The following NPC1 variants were observed in gnomAD, a reference collection of about 807,000 sequenced individuals.
The protein encoded by NPC1 is Niemann-Pick C1 protein.
In NPC1, 85 loss-of-function variants were observed where a neutral mutation model predicts 140.4. That is an observed-to-expected ratio of 0.61 (90% CI 0.51 to 0.72). The LOEUF is 0.72. Among genes scored for constraint, NPC1 ranks in the 30% least tolerant of loss-of-function variants. The probability of loss-of-function intolerance (pLI) is 0.00; values close to 1 mark genes in which losing one functional copy is unlikely to be tolerated. For synonymous variants in NPC1, 656 were observed against 624.8 expected (o/e 1.05, Z -0.74); for missense variants, 1,504 against 1,623.8 (o/e 0.93, Z 1.27).
At chr18:23,563,248 T>C (rs572749723) in intron 4 of NPC1, among the ~76,000 whole-genome samples, 1 of 152,380 alleles carries the variant, frequency 6.6e-6, no homozygotes, top group East Asian at 1.9e-4. Context: ...TGCAAGGACA[T>C]ATGTTTTGTT....
In NPC1 at chr18:23,541,301, C is replaced by G; in HGVS notation, c.2373+5G>C. On this transcript the variant is annotated splice_donor_5th_base_variant and intron_variant, in intron 15 of 24. Transcript: ENST00000269228. Reference sequence around the variant, plus strand: ...AAATAGACTATAATCCTGGCACCAACTTACCTCTTGACGTTTAATGTCTAA... The same window carrying G: ...AAATAGACTATAATCCTGGCACCAAGTTACCTCTTGACGTTTAATGTCTAA... 6.2e-7 allele frequency: 1 copy of G among 1,614,240 alleles called. No homozygotes were observed. The highest frequency in any genetic ancestry group is 8.5e-7 in the Non-Finnish European group (1 of 1,180,048).
intron 11 of NPC1, 120 bp downstream of exon 11, chr18:23,547,886 A>C (rs2058811225): frequency 2.5e-6 from 2 of 784,458 alleles, no homozygotes; most frequent in Admixed American, 1.7e-5. Flanking sequence ...CCAAGTGAAC[A>C]AAACTACGTA....
chr18:23,560,806 A>G (rs984210757), intron 5 of NPC1, among the ~76,000 whole-genome samples: 2 of 151,754 alleles, frequency 1.3e-5, no homozygotes, highest in African/African-American at 2.4e-5. Flanking sequence ...GCTGCCTCCC[A>G]CCCCCTTTTT....
rs1266698596 is a variant in NPC1 at position 23,560,465 on chromosome 18, C to G, written c.647G>C (p.Gly216Ala). The change falls in exon 6 of 25, where the codon GGG becomes GCG. Residue 216 changes from glycine (G) to alanine (A), a missense_variant. By Grantham distance (60) the Gly-to-Ala change is moderately conservative (BLOSUM62 0). Coordinates refer to ENST00000269228, the MANE Select transcript of NPC1 (RefSeq NM_000271.5). ...GGTGGCATTGTTCATGGGCTCCATC[C>G]CATGGACTGGAAAATCTACAGAAAG... The part of the protein sequence containing the change: ...TPVFSDFPVH[G>A]MEPMNNATKG... 1 of 1,614,038 alleles carries G rather than the reference C, an allele frequency of 6.2e-7. No individual in the cohort carries two copies. The highest frequency in any genetic ancestry group is 8.5e-7 in the Non-Finnish European group (1 of 1,180,020).
At chr18:23,526,052 T>A (rs2145259421), downstream of NPC1, among the ~76,000 whole-genome samples, 1 of 152,308 alleles carries the variant, frequency 6.6e-6, no homozygotes, top group South Asian at 2.1e-4. Context: ...TTGGGCCAAC[T>A]GAAAAGGGGG....
intron 10 of NPC1, among the ~76,000 whole-genome samples, chr18:23,549,763 C>CG (rs1404017859): frequency 3.0e-5 from 4 of 133,362 alleles, no homozygotes; most frequent in Non-Finnish European, 6.1e-5. Context: ...TTTTTTAAGA[C>CG]GGAGTCTTGC....
chr18:23,538,888 T>C, intron 19 of NPC1: 3 of 578,190 alleles, frequency 5.2e-6, no homozygotes, highest in Non-Finnish European at 9.2e-6. Flanking sequence ...TTAGGCATAC[T>C]ATGCATCATT....
chr18:23,557,470 A>G (rs1201736969), intron 6 of NPC1, among the ~76,000 whole-genome samples: 2 of 152,194 alleles, frequency 1.3e-5, no homozygotes, highest in Non-Finnish European at 2.9e-5. Flanking sequence ...AAAACACACT[A>G]CTGGGCTAGG....
intron 3 of NPC1, among the ~76,000 whole-genome samples, chr18:23,571,232 TAAAAAAA>T (rs10715014): frequency 2.0e-5 from 3 of 147,052 alleles, no homozygotes; most frequent in Admixed American, 2.0e-4. Context: ...AAACTGACTT[TAAAAAAA>T]AAAAAAAACT....
At chr18:23,569,704 C>A (rs2059175013) in intron 3 of NPC1, among the ~76,000 whole-genome samples, 1 of 152,136 alleles carries the variant, frequency 6.6e-6, no homozygotes, top group African/African-American at 2.4e-5. Context: ...TTCTTTCAAG[C>A]CCCGGAAAAT....
chr18:23,526,649 A>C, downstream of NPC1: 3 of 1,614,080 alleles, frequency 1.9e-6, no homozygotes, highest in Non-Finnish European at 2.5e-6. Flanking sequence ...TACCTCTGGA[A>C]CCTCCAAGTG....
chr18:23,577,763 G>C (rs868660939), intron 1 of NPC1, among the ~76,000 whole-genome samples: 1 of 152,248 alleles, frequency 6.6e-6, no homozygotes, highest in Non-Finnish European at 1.5e-5. Context: ...TGCAGGTCCC[G>C]AGCCCTGCCC....
Position 23,560,218 on chromosome 18 carries a change from CAA to C in NPC1, c.881+11_881+12del. 1 of 1,613,992 alleles carries C rather than the reference CAA, an allele frequency of 6.2e-7. No homozygotes were observed. The highest frequency in any genetic ancestry group is 8.5e-7 in the Non-Finnish European group (1 of 1,179,946). ...TGCTCTTTTTGCCCTGGATGACAAACAAAACTGCTTACCTGTAGCACCACACT... is the reference window on the plus strand; with the variant it reads ...TGCTCTTTTTGCCCTGGATGACAAACAACTGCTTACCTGTAGCACCACACT... On this transcript the variant is annotated intron_variant, in intron 6 of 24. Coordinates refer to ENST00000269228, the MANE Select transcript of NPC1 (RefSeq NM_000271.5).
In NPC1 at chr18:23,561,536, G is replaced by C. The variant is rs746194096; in HGVS notation, c.464-9C>G. 3 of 1,613,800 alleles carry C rather than the reference G, an allele frequency of 1.9e-6. No individual in the cohort carries two copies. Among genetic ancestry groups the C allele is most frequent in the Non-Finnish European group, 2.5e-6 (3 of 1,179,994 alleles). Reference sequence around the variant, plus strand: ...GCAGGCATTGTACATTGCTAGAAGAGGAAACCCAAAGGAAAAAGGAGACAA... The same window carrying C: ...GCAGGCATTGTACATTGCTAGAAGACGAAACCCAAAGGAAAAAGGAGACAA... On this transcript the variant is annotated splice_polypyrimidine_tract_variant and intron_variant, in intron 4 of 24. Transcript: ENST00000269228.
At chr18:23,538,146 G>A (rs1045371412) in intron 20 of NPC1, among the ~76,000 whole-genome samples, 3 of 152,144 alleles carry the variant, frequency 2.0e-5, no homozygotes, top group African/African-American at 7.2e-5. Flanking sequence ...CCTTAATGTG[G>A]GATAATGTTA....
chr18:23,586,210 G>A (rs1331849887), intron 1 of NPC1, 77 bp downstream of exon 1: 1 of 1,474,980 alleles, frequency 6.8e-7, no homozygotes, highest in Non-Finnish European at 9.1e-7. Flanking sequence ...CTGAGCCGTC[G>A]CTGGGCCCGT....
At chr18:23,552,858 T>G (rs983566285) in intron 9 of NPC1, among the ~76,000 whole-genome samples, 15 of 152,164 alleles carry the variant, frequency 9.9e-5, no homozygotes, top group African/African-American at 3.4e-4. Flanking sequence ...AAGAACCCCA[T>G]GAGGAAGGCG....
Position 23,508,074 on chromosome 18 carries a change from G to A in NPC1, c.432-1432C>T, listed in dbSNP as rs750982183. ...CCCAGGCCCTTTCTCAGCTGCTGGT[G>A]TCAGTGGTGTTGAGCTGGGTTATGT... On this transcript the variant is annotated intron_variant, in intron 3 of 3. Transcript: ENST00000591107. The A allele has an allele frequency of 9.5e-6, 15 of 1,587,188 alleles. No individual in the cohort carries two copies. The Admixed American group carries it at 2.7e-4, about 28-fold the overall frequency.
chr18:23,523,566 A>AAG (rs1567927833), intron 1 of NPC1, among the ~76,000 whole-genome samples: 2 of 139,634 alleles, frequency 1.4e-5, no homozygotes, highest in Non-Finnish European at 3.2e-5. Flanking sequence ...AAAAAAAAAA[A>AAG]AAAGAAAAAA....
Sources: allele counts gnomAD v4.1 joint callset (sites outside exome capture counted in the v4.1 genomes callset), GRCh38; gene constraint gnomAD v4.1.1; transcripts MANE v1.5; gene names NCBI Gene and HGNC (gene_info 2026-07-23, HGNC 2026-07-21).